KLF12: variants seen among roughly 807,000 people sequenced by gnomAD.
The protein encoded by KLF12 is KLF transcription factor 12.
A neutral mutation model predicts 37.8 loss-of-function variants in KLF12; 9 were observed. The ratio of observed to expected loss-of-function variants is 0.24; its 90% CI spans 0.14 to 0.42. The LOEUF (loss-of-function observed/expected upper bound fraction) is 0.42. Among genes scored for constraint, KLF12 ranks in the 10% least tolerant of loss-of-function variants. The pLI is 1.00. For missense variants in KLF12, 411 were observed against 516.0 expected, an observed-to-expected ratio of 0.80 and a Z score of 1.97; for synonymous variants, 208 against 202.1, an observed-to-expected ratio of 1.03 and a Z score of -0.25.
intron 3 of KLF12, among the ~76,000 whole-genome samples, chr13:73,886,820 A>G (rs1887244089): frequency 6.6e-6 from 1 of 151,906 alleles, no homozygotes; most frequent in African/African-American, 2.4e-5. Context: ...GGAGAAACCC[A>G]GTCTCTACTA....
intron 4 of KLF12, among the ~76,000 whole-genome samples, chr13:73,828,264 C>T (rs1883957320): frequency 6.6e-6 from 1 of 152,114 alleles, no homozygotes; most frequent in South Asian, 2.1e-4. Flanking sequence ...TTGACAATTT[C>T]ACTGTACTAT....
chr13:73,743,564 T>C (rs1487307396), intron 6 of KLF12, among the ~76,000 whole-genome samples: 2 of 152,120 alleles, frequency 1.3e-5, no homozygotes, highest in Admixed American at 6.5e-5. Context: ...GGGGGAGTAC[T>C]AGAAAAAAAC....
intron 6 of KLF12, among the ~76,000 whole-genome samples, chr13:73,732,264 A>G (rs1427323534): frequency 2.0e-5 from 3 of 150,248 alleles, no homozygotes. Flanking sequence ...TTTTTTTTGT[A>G]TTTTTAGTAG....
chr13:74,283,130 G>T, the KLF12 span, among the ~76,000 whole-genome samples: 1 of 152,190 alleles, frequency 6.6e-6, no homozygotes, highest in Admixed American at 6.5e-5. Context: ...CCAAATTGGA[G>T]AAACCAGAGG....
At chr13:74,288,631 C>G in the KLF12 span, among the ~76,000 whole-genome samples, 1 of 152,142 alleles carries the variant, frequency 6.6e-6, no homozygotes, top group African/African-American at 2.4e-5. Context: ...GGCAGAAAAC[C>G]GTGAAGAGTC....
chr13:73,828,028 A>G (rs892748453), intron 4 of KLF12, among the ~76,000 whole-genome samples: 1 of 151,990 alleles, frequency 6.6e-6, no homozygotes, highest in African/African-American at 2.4e-5. Flanking sequence ...CATAAGACTC[A>G]TATGTGTGGG....
At chr13:73,949,273 G>A (rs1192315004) in intron 2 of KLF12, among the ~76,000 whole-genome samples, 3 of 152,084 alleles carry the variant, frequency 2.0e-5, no homozygotes, top group Non-Finnish European at 4.4e-5. Flanking sequence ...CCTTATTGAA[G>A]GTCCCAACAG....
chr13:73,799,100 G>A (rs191851063), intron 5 of KLF12, among the ~76,000 whole-genome samples: 119 of 152,236 alleles, frequency 7.8e-4, no homozygotes, highest in Admixed American at 6.4e-3. Context: ...GCAAGATCCC[G>A]TCTTTTGCAG....
At chr13:74,047,485 T>C (rs1893577563) in intron 1 of KLF12, among the ~76,000 whole-genome samples, 1 of 151,252 alleles carries the variant, frequency 6.6e-6, no homozygotes, top group Non-Finnish European at 1.5e-5. Context: ...TAGTCCCAGC[T>C]ACTCGGGAGG....
chr13:73,955,843 G>C (rs1890814655), intron 2 of KLF12, among the ~76,000 whole-genome samples: 1 of 151,474 alleles, frequency 6.6e-6, no homozygotes, highest in African/African-American at 2.4e-5. Flanking sequence ...AAATTAGCCT[G>C]CATTTAGGGC....
intron 1 of KLF12, among the ~76,000 whole-genome samples, chr13:74,120,234 C>A (rs570553109): frequency 1.3e-5 from 2 of 152,326 alleles, no homozygotes; most frequent in African/African-American, 4.8e-5. Flanking sequence ...GTAATCCCAG[C>A]ACTTTGGGAG....
the KLF12 span, among the ~76,000 whole-genome samples, chr13:74,266,090 A>T: frequency 7.2e-5 from 11 of 152,152 alleles, no homozygotes; most frequent in Admixed American, 1.3e-4. Flanking sequence ...ACTCATATCA[A>T]CAGAGCTCCT....
At chr13:73,837,045 T>G (rs1884471670) in intron 4 of KLF12, among the ~76,000 whole-genome samples, 1 of 152,210 alleles carries the variant, frequency 6.6e-6, no homozygotes, top group Admixed American at 6.5e-5. Flanking sequence ...ACAAATGGAT[T>G]TGACTGTCCT....
At chr13:73,936,372 C>T (rs1889924647) in intron 3 of KLF12, among the ~76,000 whole-genome samples, 1 of 152,154 alleles carries the variant, frequency 6.6e-6, no homozygotes, top group African/African-American at 2.4e-5. Context: ...CTTCCAAGCC[C>T]TCTTCCCAAT....
At chr13:74,038,337 T>C (rs923741895) in intron 1 of KLF12, among the ~76,000 whole-genome samples, 7 of 152,188 alleles carry the variant, frequency 4.6e-5, no homozygotes, top group African/African-American at 1.7e-4. Context: ...CAGTCAATCA[T>C]GTATTCATTC....
chr13:74,057,453 A>G (rs1873310794), intron 1 of KLF12, among the ~76,000 whole-genome samples: 1 of 152,228 alleles, frequency 6.6e-6, no homozygotes, highest in Non-Finnish European at 1.5e-5. Context: ...CTCTGAGAAG[A>G]CAAAAGCAAT....
chr13:74,208,761 G>A, the KLF12 span, among the ~76,000 whole-genome samples: 6 of 152,070 alleles, frequency 3.9e-5, no homozygotes, highest in Admixed American at 1.3e-4. Flanking sequence ...GACTGTTTGA[G>A]GCCAGGAGTT....
intron 5 of KLF12, among the ~76,000 whole-genome samples, chr13:73,807,045 A>G (rs1346368262): frequency 6.6e-6 from 1 of 152,136 alleles, no homozygotes; most frequent in Non-Finnish European, 1.5e-5. Flanking sequence ...GGTGGCTCAC[A>G]CCTGTAAATC....
rs752694466 is a variant in KLF12 at position 73,712,338 on chromosome 13, C to CAAAAAAAAAA, written c.1027+3020_1027+3029dup. Among the ~76,000 whole-genome samples, 94 of 42,034 alleles carry CAAAAAAAAAA rather than the reference C, an allele frequency of 2.2e-3. 1 individual carries two copies. Among genetic ancestry groups the CAAAAAAAAAA allele is most frequent in the Non-Finnish European group, 3.0e-3 (58 of 19,372 alleles). 27.6% of individuals were successfully genotyped at this position (42,034 alleles called of 152,430 possible). On this transcript the variant is annotated intron_variant, in intron 7 of 7. Coordinates refer to ENST00000377669, the MANE Select transcript of KLF12 (RefSeq NM_007249.5). ...GGGTAACAAGAGCGAAACTCCATGT[C>CAAAAAAAAAA]AAAAAAAAAAAAAAAAAAAAAAGGA...
Sources: allele counts gnomAD v4.1 joint callset (sites outside exome capture counted in the v4.1 genomes callset), GRCh38; gene constraint gnomAD v4.1.1; transcripts MANE v1.5; gene names NCBI Gene and HGNC (gene_info 2026-07-23, HGNC 2026-07-21).